KAZN: variants seen among roughly 807,000 people sequenced by gnomAD.
KAZN encodes kazrin, periplakin interacting protein.
In KAZN, 40 loss-of-function variants were observed where a neutral mutation model predicts 87.4. The ratio of observed to expected loss-of-function variants is 0.46; its 90% CI spans 0.36 to 0.60. KAZN has a LOEUF of 0.60. Ranked by LOEUF, KAZN falls within the 20% of genes least tolerant of loss-of-function variation. The pLI is 0.00. For missense variants in KAZN, 898 were observed against 1,073.9 expected (o/e 0.84, Z 2.29); for synonymous variants, 466 against 458.3 (o/e 1.02, Z -0.22).
intron 2 of KAZN, among the ~76,000 whole-genome samples, chr1:14,426,238 C>A (rs750646825): frequency 5.3e-5 from 8 of 152,156 alleles, no homozygotes; most frequent in African/African-American, 7.2e-5. Flanking sequence ...CCCATAATGA[C>A]CTCCTTCAGG....
At chr1:14,257,618 T>C (rs1650620335) in intron 2 of KAZN, among the ~76,000 whole-genome samples, 1 of 148,874 alleles carries the variant, frequency 6.7e-6, no homozygotes, top group African/African-American at 2.5e-5. Context: ...AACGTTTAAA[T>C]CTTTAATCCA....
chr1:14,542,670 T>C (rs190670264), intron 2 of KAZN, among the ~76,000 whole-genome samples: 2 of 152,290 alleles, frequency 1.3e-5, no homozygotes, highest in East Asian at 3.9e-4. Context: ...GTGAGCATAG[T>C]ATCGGATAGG....
chr1:14,356,552 G>C (rs1348650778), intron 2 of KAZN, among the ~76,000 whole-genome samples: 1 of 152,054 alleles, frequency 6.6e-6, no homozygotes, highest in Non-Finnish European at 1.5e-5. Context: ...GGTTTTTATG[G>C]TTTTAGGTCT....
chr1:14,938,962 T>C (rs1251615185), intron 1 of KAZN, among the ~76,000 whole-genome samples: 1 of 152,132 alleles, frequency 6.6e-6, no homozygotes, highest in Non-Finnish European at 1.5e-5. Context: ...TATTTATTCA[T>C]TTTTTGTTTG....
At chr1:14,032,216 G>A (rs911665501) in intron 1 of KAZN, among the ~76,000 whole-genome samples, 1 of 152,170 alleles carries the variant, frequency 6.6e-6, no homozygotes, top group African/African-American at 2.4e-5. Flanking sequence ...AACACTTGCT[G>A]TTTGCTTTGT....
intron 1 of KAZN, among the ~76,000 whole-genome samples, chr1:14,172,158 T>C (rs1432786315): frequency 6.6e-6 from 1 of 152,178 alleles, no homozygotes; most frequent in Admixed American, 6.5e-5. Flanking sequence ...ACCAACCAAA[T>C]AAACTGGTTT....
intron 2 of KAZN, 99 bp downstream of exon 2, chr1:14,960,974 G>A: frequency 7.8e-7 from 1 of 1,285,152 alleles, no homozygotes; most frequent in Non-Finnish European, 1.1e-6. Flanking sequence ...TGGACACAGG[G>A]GTCTCCCAGC....
At chr1:14,568,234 A>C (rs1428975499) in intron 2 of KAZN, among the ~76,000 whole-genome samples, 1 of 152,188 alleles carries the variant, frequency 6.6e-6, no homozygotes, top group Non-Finnish European at 1.5e-5. Flanking sequence ...CATGAGGGCC[A>C]CATTGAAGGG....
intron 6 of KAZN, 145 bp downstream of exon 6, chr1:15,060,447 T>C: frequency 1.8e-6 from 2 of 1,124,152 alleles, no homozygotes; most frequent in Non-Finnish European, 2.6e-6. Flanking sequence ...TTCTGTTCTT[T>C]CCTTTTGCAA....
chr1:14,255,687 C>T (rs762209565), intron 2 of KAZN, among the ~76,000 whole-genome samples: 6 of 152,232 alleles, frequency 3.9e-5, no homozygotes, highest in Non-Finnish European at 7.3e-5. Context: ...GCAGTACTTA[C>T]AACCTGTCTG....
intron 1 of KAZN, among the ~76,000 whole-genome samples, chr1:13,980,672 C>A (rs1339322464): frequency 2.6e-5 from 4 of 152,072 alleles, no homozygotes; most frequent in African/African-American, 7.2e-5. Flanking sequence ...ACAATCAGGG[C>A]TAGAGATTTT....
chr1:14,789,118 C>T (rs1645597124), intron 1 of KAZN, among the ~76,000 whole-genome samples: 1 of 152,118 alleles, frequency 6.6e-6, no homozygotes, highest in African/African-American at 2.4e-5. Context: ...TCGTTCATTC[C>T]CTCATTTGAT....
intron 1 of KAZN, among the ~76,000 whole-genome samples, chr1:14,802,567 C>A (rs1646070803): frequency 6.6e-6 from 1 of 152,100 alleles, no homozygotes; most frequent in Admixed American, 6.5e-5. Context: ...ATGCACGGAA[C>A]AGCCCCCATA....
At chr1:13,984,764 TA>T (rs1362335519) in intron 1 of KAZN, among the ~76,000 whole-genome samples, 1 of 152,342 alleles carries the variant, frequency 6.6e-6, no homozygotes, top group African/African-American at 2.4e-5. Context: ...GTGCAATATA[TA>T]TTTTTTTGGT....
chr1:14,668,743 C>A (rs1168196348), intron 1 of KAZN, among the ~76,000 whole-genome samples: 1 of 152,196 alleles, frequency 6.6e-6, no homozygotes, highest in East Asian at 1.9e-4. Context: ...GGAATTCAGA[C>A]TGTAAACGTC....
chr1:14,017,649 G>A (rs895923130), intron 1 of KAZN, among the ~76,000 whole-genome samples: 2 of 152,198 alleles, frequency 1.3e-5, no homozygotes, highest in African/African-American at 4.8e-5. Context: ...GCTCTGTCGG[G>A]TTCAGTGCAG....
chr1:14,009,966 C>G (rs1228384103), intron 1 of KAZN, among the ~76,000 whole-genome samples: 1 of 152,104 alleles, frequency 6.6e-6, no homozygotes, highest in Non-Finnish European at 1.5e-5. Flanking sequence ...ACACTCTCTC[C>G]CACTCCCCTG....
intron 2 of KAZN, among the ~76,000 whole-genome samples, chr1:14,255,941 A>G (rs904021981): frequency 2.6e-5 from 4 of 152,200 alleles, no homozygotes; most frequent in African/African-American, 9.7e-5. Context: ...TCTAGGCAAG[A>G]AAATGGTTAG....
chr1:14,396,145 G>C (rs941353008), intron 2 of KAZN, among the ~76,000 whole-genome samples: 1 of 139,834 alleles, frequency 7.2e-6, no homozygotes, highest in Non-Finnish European at 1.5e-5. Flanking sequence ...TCCAGCCTGA[G>C]CGACAAGAGC....
Sources: allele counts gnomAD v4.1 joint callset (sites outside exome capture counted in the v4.1 genomes callset), GRCh38; gene constraint gnomAD v4.1.1; transcripts MANE v1.5; gene names NCBI Gene and HGNC (gene_info 2026-07-23, HGNC 2026-07-21).